Variants in CHD2 observed in about 807,000 individuals in gnomAD.
The protein encoded by CHD2 is ATP-dependent chromatin remodeler CHD2.
In CHD2, 28 loss-of-function variants were observed where a neutral mutation model predicts 243.9. The ratio of observed to expected loss-of-function variants is 0.11; its 90% CI spans 0.09 to 0.16. The LOEUF (loss-of-function observed/expected upper bound fraction) is 0.16, where lower values mean the gene tolerates loss of function less well. Ranked by LOEUF, CHD2 falls within the 10% of genes least tolerant of loss-of-function variation. The pLI is 1.00. For synonymous variants in CHD2, 775 were observed against 779.0 expected, an observed-to-expected ratio of 0.99 and a Z score of 0.09; for missense variants, 1,386 against 2,209.8, an observed-to-expected ratio of 0.63 and a Z score of 7.47.
chr15:92,948,142 T>TG (rs1205289129), intron 12 of CHD2, among the ~76,000 whole-genome samples: 2 of 152,190 alleles, frequency 1.3e-5, no homozygotes, highest in Non-Finnish European at 2.9e-5. Flanking sequence ...TTTAAGCTTC[T>TG]GGGGGTGAAA....
chr15:93,008,276 G>A (rs1415110852), intron 34 of CHD2, among the ~76,000 whole-genome samples: 1 of 152,214 alleles, frequency 6.6e-6, no homozygotes, highest in Non-Finnish European at 1.5e-5. Context: ...AGTGTGGTGG[G>A]CTCAGCCCTC....
rs764815007 is a variant in CHD2 at position 93,014,757 on chromosome 15, G to C, written c.4754G>C (p.Gly1585Ala). ...GKKPFRPEAS[G>A]SSRDSLISQS... ...AAACCATTTCGTCCAGAGGCCTCAG[G>C]CTCCAGCCGGGACTCTCTGATATCT... Residue 1585 changes from glycine to alanine, a missense_variant, in exon 37 of 39, where the codon GGC becomes GCC. Physicochemically the swap from Gly to Ala is moderately conservative, Grantham distance 60. Coordinates refer to ENST00000394196, the MANE Select transcript of CHD2 (RefSeq NM_001271.4). The C allele has an allele frequency of 1.9e-6, 3 of 1,614,080 alleles. No homozygotes were observed. In the East Asian group the frequency reaches 6.7e-5, roughly 36 times the overall value.
rs570991883 is a variant in CHD2, at chr15:93,024,954, G to A, written c.*249G>A. On this transcript the variant is annotated 3_prime_UTR_variant, in exon 39 of 39. Transcript: ENST00000394196. ...CCTAGTTCTGGCCTCCCACTTTGAC[G>A]GGCACTTGGAGGAGGAGCTGACTGT... 3 of 463,238 alleles carry A rather than the reference G, an allele frequency of 6.5e-6. No individual in the cohort carries two copies. The highest frequency in any genetic ancestry group is 4.1e-5 in the Admixed American group (1 of 24,464). 28.7% of individuals were successfully genotyped at this position (463,238 alleles called of 1,614,324 possible).
At chr15:92,910,701 C>A (rs530774163) in intron 2 of CHD2, among the ~76,000 whole-genome samples, 2 of 152,156 alleles carry the variant, frequency 1.3e-5, no homozygotes, top group South Asian at 4.1e-4. Context: ...TGGTCCCTGC[C>A]GAGCATTTAC....
At position 92,927,300 on chromosome 15, in the gene CHD2, A is replaced by G. The variant is rs1200782791; in HGVS notation, c.351A>G (p.Gln117=). The G allele has an allele frequency of 6.2e-7, 1 of 1,613,896 alleles. No homozygotes were observed. Among genetic ancestry groups the G allele is most frequent in the South Asian group, 1.1e-5 (1 of 91,078 alleles). The change falls in exon 4 of 39, where the codon CAA becomes CAG. Residue 117 remains glutamine (Q), a synonymous_variant. Transcript: ENST00000394196. ...YGVRRSNRSR[Q]EPSRFNIKEE... Reference sequence around the variant, plus strand: ...TCAGGCGGTCAAACCGAAGCAGACAAGAACCATCGCGATTTAATATTAAGG... The same window carrying G: ...TCAGGCGGTCAAACCGAAGCAGACAGGAACCATCGCGATTTAATATTAAGG...
chr15:92,944,452 A>G lies in CHD2; in HGVS notation c.1090A>G (p.Asn364Asp). Residue 364 changes from asparagine (N) to aspartate (D), a missense_variant, in exon 10 of 39, where the codon AAT becomes GAT. Physicochemically the swap from Asn to Asp is conservative, Grantham distance 23. This residue lies in a region of CHD2 where 200 missense variants were observed against 292.5 expected (regional missense o/e 0.68). Transcript: ENST00000394196. ...KVSPEDVEYF[N>D]CQQELASELN... ...TTCTCCTGAAGATGTAGAATATTTC[A>G]ATTGCCAACAGGAGCTGGCTTCAGA... 1 of 1,610,748 alleles carries G rather than the reference A, an allele frequency of 6.2e-7. No homozygotes were observed. The highest frequency in any genetic ancestry group is 8.5e-7 in the Non-Finnish European group (1 of 1,177,582).
chr15:92,905,867 A>ACCTG lies in CHD2; in HGVS notation c.62+4571_62+4574dup, dbSNP rs2052612049. 1.8e-4 allele frequency among the ~76,000 whole-genome samples: 27 copies of ACCTG among 151,780 alleles called. 1 individual carries two copies. In the South Asian group the frequency reaches 5.2e-3, roughly 29 times the overall value. On this transcript the variant is annotated intron_variant, in intron 2 of 38. Transcript: ENST00000394196. ...AACTGTAGCTTCCAACTTAAAGTAT[A>ACCTG]CCTGCCACAAGAACGAAAGTAATAA...
chr15:93,022,569 G>T (rs1183985127), intron 38 of CHD2, among the ~76,000 whole-genome samples: 2 of 152,184 alleles, frequency 1.3e-5, no homozygotes, highest in Non-Finnish European at 2.9e-5. Flanking sequence ...AGTCTTTTCG[G>T]GTGGTCCTTT....
At position 92,901,729 on chromosome 15, in the gene CHD2, A is replaced by G. The variant is rs553981884; in HGVS notation, c.62+430A>G. 4.5e-5 allele frequency: 14 copies of G among 307,812 alleles called. No homozygotes were observed. In the East Asian group the frequency reaches 7.0e-4, roughly 15 times the overall value. The allele number at this position is 307,812 out of a possible 1,614,324, so 19.1% of individuals were successfully genotyped here. On this transcript the variant is annotated intron_variant, in intron 2 of 38. Transcript: ENST00000394196. ...CTAAACTTGTAACTGAGGGCCATAGAGAAGCCTTGTAGTAGTAAATTATAG... is the reference window on the plus strand; with the variant it reads ...CTAAACTTGTAACTGAGGGCCATAGGGAAGCCTTGTAGTAGTAAATTATAG...
intron 14 of CHD2, among the ~76,000 whole-genome samples, 181 bp from the exon 15 acceptor site, chr15:92,955,242 T>A (rs1202597966): frequency 6.6e-6 from 1 of 152,244 alleles, no homozygotes; most frequent in Admixed American, 6.5e-5. Flanking sequence ...AGTGTTTTAA[T>A]TCTAACTCTT....
intron 13 of CHD2, among the ~76,000 whole-genome samples, chr15:92,951,325 C>T (rs1283936093): frequency 6.6e-6 from 1 of 152,116 alleles, no homozygotes; most frequent in African/African-American, 2.4e-5. Flanking sequence ...CACGCACCAC[C>T]ATGCCTGGCT....
chr15:92,980,037 T>TTTTGTTTGTTTGTTTGTTTG (rs55822413), intron 22 of CHD2, among the ~76,000 whole-genome samples: 2 of 150,028 alleles, frequency 1.3e-5, no homozygotes, highest in Admixed American at 1.3e-4. Context: ...CAGCTATGTT[T>TTTTGTTTGTTTGTTTGTTTG]TTTGTTTGTT....
chr15:93,023,054 T>C (rs1035598142), intron 38 of CHD2, among the ~76,000 whole-genome samples: 1 of 152,246 alleles, frequency 6.6e-6, no homozygotes, highest in African/African-American at 2.4e-5. Flanking sequence ...ATAAAGGAAC[T>C]ATTTTAAAGC....
chr15:92,903,528 A>G (rs2052559952), intron 2 of CHD2, among the ~76,000 whole-genome samples: 1 of 152,216 alleles, frequency 6.6e-6, no homozygotes, highest in Non-Finnish European at 1.5e-5. Context: ...AGTTAATGCT[A>G]AAGTCTGTTA....
intron 37 of CHD2, among the ~76,000 whole-genome samples, chr15:93,016,608 A>G (rs1436062112): frequency 1.3e-5 from 2 of 152,114 alleles, no homozygotes; most frequent in African/African-American, 4.8e-5. Flanking sequence ...TCTGGGCAAC[A>G]TAGACTCAGT....
chr15:92,997,215 C>T lies in CHD2; in HGVS notation c.3735-38C>T. 6.2e-7 allele frequency: 1 copy of T among 1,611,350 alleles called. No homozygotes were observed. Among genetic ancestry groups the T allele is most frequent in the Non-Finnish European group, 8.5e-7 (1 of 1,179,190 alleles). ...TCTTCTTTAACATACCAAAAAGGCC[C>T]CTCTTCTAATGTCTTCCTGTTTTTA... On this transcript the variant is annotated intron_variant, in intron 29 of 38. Coordinates refer to ENST00000394196, the MANE Select transcript of CHD2 (RefSeq NM_001271.4). This position sits in a 1 kb window ranked among gnomAD's most constrained non-coding sequence, Gnocchi z 4.1.
intron 31 of CHD2, among the ~76,000 whole-genome samples, chr15:93,000,151 A>G (rs1027050168): frequency 6.6e-6 from 1 of 152,116 alleles, no homozygotes; most frequent in African/African-American, 2.4e-5. Context: ...AGTCCCACTT[A>G]GCTACTCGAG....
chr15:93,019,948 T>C, intron 37 of CHD2, 64 bp from the exon 38 acceptor site: 6 of 1,363,524 alleles, frequency 4.4e-6, no homozygotes, highest in Non-Finnish European at 6.0e-6. Flanking sequence ...AAAAAAAAAA[T>C]TGTAGTGAAA....
At chr15:92,986,613 C>G (rs1303406978) in intron 26 of CHD2, among the ~76,000 whole-genome samples, 1 of 152,088 alleles carries the variant, frequency 6.6e-6, no homozygotes, top group Non-Finnish European at 1.5e-5. Context: ...CTCCCTATTC[C>G]CAGTATTATT....
Sources: allele counts gnomAD v4.1 joint callset (sites outside exome capture counted in the v4.1 genomes callset), GRCh38; gene constraint gnomAD v4.1.1; regional missense constraint gnomAD v4.1.1; non-coding constraint Gnocchi (gnomAD v3.1); transcripts MANE v1.5; gene names NCBI Gene and HGNC (gene_info 2026-07-23, HGNC 2026-07-21).